The following STIMATE variants were observed in gnomAD, a reference collection of about 807,000 sequenced individuals.
STIMATE encodes the protein STIM activating enhancer, also known as store-operated calcium entry regulator STIMATE.
Under a neutral mutation model 36.7 loss-of-function variants are expected in STIMATE, and 15 were observed. The observed-to-expected ratio is 0.41, with a 90% confidence interval of 0.27 to 0.63. STIMATE has a LOEUF of 0.63. Ranked by LOEUF, STIMATE falls within the 20% of genes least tolerant of loss-of-function variation. The pLI is 0.32. For synonymous variants in STIMATE, 163 were observed against 162.3 expected (o/e 1.00, Z -0.03); for missense variants, 305 against 397.3 (o/e 0.77, Z 1.98).
intron 2 of STIMATE, among the ~76,000 whole-genome samples, chr3:52,854,479 G>T (rs996268839): frequency 6.6e-6 from 1 of 152,232 alleles, no homozygotes; most frequent in African/African-American, 2.4e-5. Context: ...CTTCCGGGCT[G>T]GTGAACACAT....
At chr3:52,889,383 ATC>A (rs1701744979) in intron 1 of STIMATE, among the ~76,000 whole-genome samples, 1 of 152,188 alleles carries the variant, frequency 6.6e-6, no homozygotes. Flanking sequence ...GGCTGAAAGT[ATC>A]TCTACCTTCT....
intron 1 of STIMATE, among the ~76,000 whole-genome samples, chr3:52,894,805 T>C (rs941836863): frequency 1.7e-4 from 26 of 152,174 alleles, no homozygotes; most frequent in Admixed American, 5.2e-4. Flanking sequence ...AGTGAGCCCA[T>C]TGCCTCGAGG....
chr3:52,883,092 C>T (rs549400841), intron 1 of STIMATE, among the ~76,000 whole-genome samples: 1 of 152,282 alleles, frequency 6.6e-6, no homozygotes, highest in South Asian at 2.1e-4. Flanking sequence ...TACAAAGGGG[C>T]CAAGGAGCTG....
Position 52,842,829 on chromosome 3 carries a change from G to C in STIMATE, c.750C>G (p.His250Gln). 6.2e-7 allele frequency: 1 copy of C among 1,614,224 alleles called. No individual in the cohort carries two copies. The highest frequency in any genetic ancestry group is 8.5e-7 in the Non-Finnish European group (1 of 1,180,042). ...SKVRYRRAAS[H>Q]EESESEILIS... ...GCCCTACCTCAGACTCAGACTCCTC[G>C]TGGGATGCGGCCCTCCGGTAGCGGA... Residue 250 changes from histidine to glutamine, a missense_variant, in exon 7 of 8, where the codon CAC (histidine) becomes CAG (glutamine). Physicochemically the swap from His to Gln is conservative, Grantham distance 24. This residue lies in a region of STIMATE where 84 missense variants were observed against 82.4 expected (regional missense o/e 1.02). Transcript: ENST00000355083.
chr3:52,880,141 C>T (rs1701577341), intron 1 of STIMATE, among the ~76,000 whole-genome samples: 2 of 152,188 alleles, frequency 1.3e-5, no homozygotes, highest in African/African-American at 4.8e-5. Flanking sequence ...TCATGAGATC[C>T]TAGATAAAAG....
chr3:52,866,447 C>A (rs890280682), intron 1 of STIMATE, among the ~76,000 whole-genome samples: 3 of 152,336 alleles, frequency 2.0e-5, no homozygotes, highest in South Asian at 2.1e-4. Context: ...GAGCCCAGAG[C>A]CCCTCCTTTT....
At chr3:52,861,258 G>C (rs921685373) in intron 1 of STIMATE, among the ~76,000 whole-genome samples, 4 of 152,238 alleles carry the variant, frequency 2.6e-5, no homozygotes, top group Non-Finnish European at 5.9e-5. Context: ...AGAGAGAGGG[G>C]AGAAGGGGAA....
intron 4 of STIMATE, chr3:52,847,108 CTT>C (rs1559489632): frequency 1.7e-6 from 1 of 593,760 alleles, no homozygotes; most frequent in South Asian, 7.5e-5. Context: ...CGGGATCTTG[CTT>C]TGTTTCCAAG....
At chr3:52,864,952 CTT>C (rs71615872) in intron 1 of STIMATE, among the ~76,000 whole-genome samples, 3 of 146,686 alleles carry the variant, frequency 2.0e-5, no homozygotes, top group Non-Finnish European at 3.0e-5. Context: ...TCTCTCTTTT[CTT>C]TTTTTTTTTT....
Position 52,838,934 on chromosome 3 carries a change from CA to C in STIMATE, c.*1559del, listed in dbSNP as rs1382189269. On this transcript the variant is annotated 3_prime_UTR_variant, in exon 8 of 8. Transcript: ENST00000355083. ...CCAGGATGTCTCCCTTCTAGCTCAT[CA>C]CACCTTAGCAGTGTGGCTTCCTGTT... The C allele has an allele frequency of 1.3e-5, 2 of 152,324 alleles. No homozygotes were observed. Among genetic ancestry groups the C allele is most frequent in the African/African-American group, 2.4e-5 (1 of 41,472 alleles). 9.4% of individuals were successfully genotyped at this position (152,324 alleles called of 1,614,324 possible).
chr3:52,885,137 C>T (rs1701670015), intron 1 of STIMATE, among the ~76,000 whole-genome samples: 1 of 152,166 alleles, frequency 6.6e-6, no homozygotes, highest in Non-Finnish European at 1.5e-5. Context: ...GGTATCTCAT[C>T]ACTATTTTAA....
rs887105738 is a variant in STIMATE, at chr3:52,884,561, A to G, written c.160+12730T>C. ...GCGCCCGCCCAAAAAGTCCTTTTGC[A>G]GTCAGTCCCATTCCTACTACCTCAA... On this transcript the variant is annotated intron_variant, in intron 1 of 7. Coordinates refer to ENST00000355083, the MANE Select transcript of STIMATE (RefSeq NM_198563.5). 1.8e-4 allele frequency among the ~76,000 whole-genome samples: 28 copies of G among 152,204 alleles called. 1 individual carries two copies.
At chr3:52,849,133 C>T (rs1041704053) in intron 4 of STIMATE, among the ~76,000 whole-genome samples, 11 of 152,212 alleles carry the variant, frequency 7.2e-5, no homozygotes, top group Non-Finnish European at 1.5e-4. Context: ...CTCTTGTCCT[C>T]TGTGGCCCTC....
intron 4 of STIMATE, among the ~76,000 whole-genome samples, chr3:52,849,243 C>T (rs965429444): frequency 6.6e-6 from 1 of 152,092 alleles, no homozygotes; most frequent in African/African-American, 2.4e-5. Flanking sequence ...GCTGATGTTA[C>T]CCCTAACTCT....
chr3:52,882,848 G>A (rs1701630560), intron 1 of STIMATE, among the ~76,000 whole-genome samples: 1 of 152,030 alleles, frequency 6.6e-6, no homozygotes, highest in African/African-American at 2.4e-5. Flanking sequence ...ATTAAGAGTC[G>A]GCCACAGCAG....
chr3:52,856,657 C>G (rs1333062486), intron 1 of STIMATE, among the ~76,000 whole-genome samples: 3 of 151,716 alleles, frequency 2.0e-5, no homozygotes, highest in Non-Finnish European at 2.9e-5. Context: ...GCACTCCTGT[C>G]TGGGCAACAG....
At chr3:52,845,265 CAGA>C (rs1700873642) in intron 4 of STIMATE, among the ~76,000 whole-genome samples, 1 of 152,234 alleles carries the variant, frequency 6.6e-6, no homozygotes, top group Admixed American at 6.5e-5. Context: ...CGGCTGGCAG[CAGA>C]AGCTGTATGA....
At chr3:52,842,730 C>T in intron 7 of STIMATE, 81 bp downstream of exon 7, 1 of 1,593,648 alleles carries the variant, frequency 6.3e-7, no homozygotes, top group East Asian at 2.2e-5. Context: ...AAGGGAAGAA[C>T]ATACACAGAC....
chr3:52,895,970 G>C, intron 1 of STIMATE: 1 of 1,288,780 alleles, frequency 7.8e-7, no homozygotes, highest in Non-Finnish European at 1.0e-6. Flanking sequence ...GGGAACAAGT[G>C]GGTATTTGTT....
Sources: gnomAD v4.1 joint callset for allele counts (sites outside exome capture counted in the v4.1 genomes callset) on GRCh38, gnomAD v4.1.1 for gene constraint, gnomAD v4.1.1 regional missense constraint, MANE v1.5 for transcripts, NCBI Gene and HGNC (gene_info 2026-07-23, HGNC 2026-07-21) for gene names.